Variants in MSRA observed in about 807,000 individuals in gnomAD.
The protein encoded by MSRA is methionine sulfoxide reductase A, also known as mitochondrial peptide methionine sulfoxide reductase.
In MSRA, 54 loss-of-function variants were observed where a neutral mutation model predicts 31.3. The observed-to-expected ratio is 1.73, with a 90% CI of 1.39 to 2.17. The LOEUF (loss-of-function observed/expected upper bound fraction) is 2.17, where lower values mean the gene tolerates loss of function less well. Among genes scored for constraint, MSRA ranks in the 30% most tolerant of loss-of-function variants. MSRA has a pLI of 0.00. For synonymous variants in MSRA, 169 were observed against 116.5 expected, an observed-to-expected ratio of 1.45 and a Z score of -2.90; for missense variants, 507 against 300.9, an observed-to-expected ratio of 1.69 and a Z score of -5.07.
At chr8:10,278,159 A>T (rs1799424117) in intron 3 of MSRA, among the ~76,000 whole-genome samples, 1 of 152,124 alleles carries the variant, frequency 6.6e-6, no homozygotes, top group African/African-American at 2.4e-5. Context: ...TTCTGGACTG[A>T]GAAGAGCCTG....
intron 5 of MSRA, among the ~76,000 whole-genome samples, chr8:10,412,975 A>G (rs1808244480): frequency 2.0e-5 from 3 of 152,242 alleles, no homozygotes; most frequent in Admixed American, 6.5e-5. Context: ...TCCCAGTCCT[A>G]GATTTTTACC....
At chr8:10,321,471 G>A (rs1299404217) in intron 5 of MSRA, among the ~76,000 whole-genome samples, 1 of 151,978 alleles carries the variant, frequency 6.6e-6, no homozygotes, top group Non-Finnish European at 1.5e-5. Flanking sequence ...TCCTTCCTTG[G>A]CCCCTCCCAC....
intron 5 of MSRA, among the ~76,000 whole-genome samples, chr8:10,326,791 AT>A (rs1004744161): frequency 5.3e-5 from 8 of 152,328 alleles, no homozygotes; most frequent in Middle Eastern, 3.4e-3. Flanking sequence ...GGATTGTCAA[AT>A]ATGGACAATT....
chr8:10,264,193 G>A (rs1288017074), intron 3 of MSRA, among the ~76,000 whole-genome samples: 3 of 152,144 alleles, frequency 2.0e-5, no homozygotes, highest in Non-Finnish European at 4.4e-5. Flanking sequence ...ATTTTAGATT[G>A]CCTTCTCAAA....
chr8:10,322,936 A>G (rs1160946652), intron 5 of MSRA, among the ~76,000 whole-genome samples: 1 of 152,110 alleles, frequency 6.6e-6, no homozygotes, highest in African/African-American at 2.4e-5. Flanking sequence ...CTAAAAATAC[A>G]AAAATTAGCC....
At chr8:10,207,808 T>G (rs1809125607) in intron 1 of MSRA, 25 bp from the exon 2 acceptor site, 9 of 1,590,786 alleles carry the variant, frequency 5.7e-6, no homozygotes, top group Non-Finnish European at 7.7e-6. Flanking sequence ...CACTTAAACT[T>G]GCATTTCTTT....
intron 1 of MSRA, among the ~76,000 whole-genome samples, chr8:10,130,993 T>A (rs1008316004): frequency 2.6e-5 from 4 of 152,214 alleles, no homozygotes; most frequent in African/African-American, 9.6e-5. Flanking sequence ...TATATAGAGA[T>A]GTTAATGGTC....
At chr8:10,186,305 C>T (rs1807050116) in intron 1 of MSRA, among the ~76,000 whole-genome samples, 1 of 152,122 alleles carries the variant, frequency 6.6e-6, no homozygotes, top group African/African-American at 2.4e-5. Flanking sequence ...GCTTTGCAGG[C>T]CATACGGTTC....
intron 1 of MSRA, among the ~76,000 whole-genome samples, chr8:10,133,075 G>A (rs928710068): frequency 6.6e-6 from 1 of 152,218 alleles, no homozygotes; most frequent in Non-Finnish European, 1.5e-5. Flanking sequence ...TCTTAGGGAA[G>A]GGAGTCCGCA....
intron 3 of MSRA, among the ~76,000 whole-genome samples, chr8:10,266,811 A>G (rs1161695934): frequency 2.0e-5 from 3 of 152,218 alleles, no homozygotes; most frequent in African/African-American, 7.2e-5. Context: ...TCTGTGGATT[A>G]AGGTCACTTT....
intron 1 of MSRA, among the ~76,000 whole-genome samples, chr8:10,175,015 C>G (rs1057031088): frequency 1.3e-5 from 2 of 152,176 alleles, no homozygotes; most frequent in Non-Finnish European, 2.9e-5. Context: ...CCCTGACGTT[C>G]TCTGACTCAT....
At chr8:10,188,740 T>C (rs60498378) in intron 1 of MSRA, among the ~76,000 whole-genome samples, 48,693 of 152,142 alleles carry the variant, frequency 0.32, 8,739 homozygotes, top group East Asian at 0.49. Flanking sequence ...CACTCATTTG[T>C]AGAACTTATG....
chr8:10,211,582 T>A (rs1809498344), intron 2 of MSRA, among the ~76,000 whole-genome samples: 1 of 152,072 alleles, frequency 6.6e-6, no homozygotes, highest in Non-Finnish European at 1.5e-5. Flanking sequence ...TAGCTGTGAG[T>A]GCCCCCTTGG....
chr8:10,290,441 A>G (rs527335410), intron 3 of MSRA, among the ~76,000 whole-genome samples: 61 of 146,992 alleles, frequency 4.1e-4, no homozygotes, highest in Admixed American at 1.4e-3. Flanking sequence ...GACTTTGTTG[A>G]AAAAAAAAAA....
At chr8:10,388,947 C>G (rs1437694914) in intron 5 of MSRA, among the ~76,000 whole-genome samples, 1 of 152,066 alleles carries the variant, frequency 6.6e-6, no homozygotes, top group African/African-American at 2.4e-5. Flanking sequence ...GAGCTTGTCT[C>G]CAGTTGAGAA....
chr8:10,122,250 G>A (rs1319063778), intron 1 of MSRA, among the ~76,000 whole-genome samples: 1 of 152,148 alleles, frequency 6.6e-6, no homozygotes, highest in East Asian at 1.9e-4. Flanking sequence ...CCTGAAACCT[G>A]TGGAGGAAAA....
At chr8:10,404,898 G>A (rs567927013) in intron 5 of MSRA, among the ~76,000 whole-genome samples, 1 of 152,274 alleles carries the variant, frequency 6.6e-6, no homozygotes, top group Non-Finnish European at 1.5e-5. Flanking sequence ...GTGGTAAGCG[G>A]CACAGCTGTG....
chr8:10,206,782 G>A (rs965079947), intron 1 of MSRA, among the ~76,000 whole-genome samples: 21 of 152,228 alleles, frequency 1.4e-4, no homozygotes, highest in Admixed American at 4.6e-4. Context: ...AGAACCCTCC[G>A]TCCACATGGC....
intron 3 of MSRA, among the ~76,000 whole-genome samples, chr8:10,292,009 G>A (rs555271412): frequency 9.6e-4 from 146 of 152,238 alleles, no homozygotes; most frequent in Non-Finnish European, 1.7e-3. Context: ...GCAGGCATTT[G>A]ATCAGTATTT....
Sources: gnomAD v4.1 joint callset for allele counts (sites outside exome capture counted in the v4.1 genomes callset) on GRCh38, gnomAD v4.1.1 for gene constraint, MANE v1.5 for transcripts, NCBI Gene and HGNC (gene_info 2026-07-23, HGNC 2026-07-21) for gene names.